AKNA: variants seen among roughly 807,000 people sequenced by gnomAD.
The protein encoded by AKNA is microtubule organization protein AKNA.
Under a neutral mutation model 138.8 loss-of-function variants are expected in AKNA, and 67 were observed. The ratio of observed to expected loss-of-function variants is 0.48; its 90% CI spans 0.40 to 0.59. AKNA has a LOEUF of 0.59. Among genes scored for constraint, AKNA ranks in the 20% least tolerant of loss-of-function variants. AKNA has a pLI of 0.00. For missense variants in AKNA, 1,813 were observed against 1,880.4 expected (o/e 0.96, Z 0.66); for synonymous variants, 737 against 754.4 (o/e 0.98, Z 0.38).
At chr9:114,380,525 A>G (rs1564093521) in intron 2 of AKNA, among the ~76,000 whole-genome samples, 3 of 152,372 alleles carry the variant, frequency 2.0e-5, no homozygotes, top group African/African-American at 4.8e-5. Flanking sequence ...GGAGTGGGAC[A>G]ATGAGTAATT....
chr9:114,340,207 AGCCCTCACAGTGACGCAG>A, intron 21 of AKNA, among the ~76,000 whole-genome samples: 1 of 152,334 alleles, frequency 6.6e-6, no homozygotes. Flanking sequence ...ACCAAGCACC[AGCCCTCACAGTGACGCAG>A]GCCCTCACTG....
intron 1 of AKNA, among the ~76,000 whole-genome samples, chr9:114,386,736 T>G (rs1834059264): frequency 6.6e-6 from 1 of 152,150 alleles, no homozygotes; most frequent in African/African-American, 2.4e-5. Flanking sequence ...CTTCAGTTCC[T>G]GGGTGGGATG....
intron 18 of AKNA, 48 bp downstream of exon 18, chr9:114,345,815 C>T (rs759706674): frequency 2.0e-5 from 32 of 1,584,860 alleles, no homozygotes; most frequent in East Asian, 2.2e-5. Flanking sequence ...GAGGAGCCCC[C>T]GCTGACACCA....
chr9:114,332,848 A>T (rs1829881799), downstream of AKNA, among the ~76,000 whole-genome samples: 1 of 152,150 alleles, frequency 6.6e-6, no homozygotes, highest in South Asian at 2.1e-4. Flanking sequence ...AGTGGTTCTT[A>T]AGGGTCTGAG....
chr9:114,332,470 T>G (rs1829871340), downstream of AKNA, among the ~76,000 whole-genome samples: 1 of 152,176 alleles, frequency 6.6e-6, no homozygotes, highest in Non-Finnish European at 1.5e-5. Flanking sequence ...TGTGCCCTAA[T>G]ACCTGTGAAA....
At chr9:114,333,835 T>C (rs1237297671), downstream of AKNA, among the ~76,000 whole-genome samples, 5 of 150,944 alleles carry the variant, frequency 3.3e-5, no homozygotes, top group East Asian at 5.8e-4. Context: ...AGGTGTGATA[T>C]TGTTTGGCTC....
rs62640860 is a variant in AKNA, at chr9:114,347,808, C to T, written c.3314G>A (p.Arg1105His). The T allele has an allele frequency of 4.5e-4, 701 of 1,551,512 alleles. 1 individual carries two copies. In the African/African-American group the frequency reaches 8.3e-3, roughly 18 times the overall value. The change falls in exon 16 of 22, where the codon CGC becomes CAC. Residue 1105 changes from arginine (R) to histidine (H), a missense_variant. Physicochemically the swap from Arg to His is conservative, Grantham distance 29. Coordinates refer to ENST00000374088, the MANE Select transcript of AKNA (RefSeq NM_001317950.2). ...LHQPLQGSPT[R>H]PASAFDRPAR... Reference sequence around the variant, plus strand: ...GGGGCGGTCAAAGGCAGATGCTGGGCGTGTCGGGCTGCCCTGGAGTGGCTG... The same window carrying T: ...GGGGCGGTCAAAGGCAGATGCTGGGTGTGTCGGGCTGCCCTGGAGTGGCTG...
Position 114,358,595 on chromosome 9 carries a change from A to G in AKNA, c.2493-428T>C, listed in dbSNP as rs552051514. 8.9e-5 allele frequency among the ~76,000 whole-genome samples: 13 copies of G among 145,680 alleles called. No individual in the cohort carries two copies. The East Asian group carries it at 2.4e-3, about 27-fold the overall frequency. ...AAATATAAGAAACCTGAATATTATC[A>G]TATACTAGATAGATCCACTTGCCTG... On this transcript the variant is annotated intron_variant, in intron 11 of 21. Transcript: ENST00000374088.
intron 2 of AKNA, 23 bp downstream of exon 2, chr9:114,381,037 A>G: frequency 6.8e-7 from 1 of 1,480,636 alleles, no homozygotes; most frequent in Non-Finnish European, 9.0e-7. Flanking sequence ...ACACCACTGT[A>G]GGGGGAGGGG....
At chr9:114,394,342 C>T (rs1383008583) in intron 1 of AKNA, 1 of 152,028 alleles carries the variant, frequency 6.6e-6, no homozygotes, top group Non-Finnish European at 1.5e-5. Context: ...ACAAAACAAA[C>T]GAATACCACC....
upstream of AKNA, among the ~76,000 whole-genome samples, chr9:114,388,318 G>A (rs1188868226): frequency 6.6e-6 from 1 of 152,232 alleles, no homozygotes; most frequent in East Asian, 1.9e-4. Context: ...ACAGCATGCT[G>A]TAGCTCCTAC....
At chr9:114,370,234 A>T (rs1475956890) in intron 4 of AKNA, among the ~76,000 whole-genome samples, 1 of 152,126 alleles carries the variant, frequency 6.6e-6, no homozygotes, top group Non-Finnish European at 1.5e-5. Context: ...CCCAGATGAG[A>T]ACAAAGCTGG....
At chr9:114,348,200 T>C (rs7862731) in intron 15 of AKNA, among the ~76,000 whole-genome samples, 9,476 of 152,178 alleles carry the variant, frequency 0.062, 1,031 homozygotes, top group African/African-American at 0.22. Context: ...ATTCTCGAGA[T>C]GGAGACAAGG....
Position 114,364,579 on chromosome 9 carries a change from A to T in AKNA, c.1769T>A (p.Met590Lys). 1 of 1,613,946 alleles carries T rather than the reference A, an allele frequency of 6.2e-7. No homozygotes were observed. Among genetic ancestry groups the T allele is most frequent in the Admixed American group, 1.7e-5 (1 of 60,030 alleles). Residue 590 changes from methionine (M) to lysine (K), a missense_variant, in exon 7 of 22, where the codon ATG becomes AAG. Met to Lys is a moderately conservative substitution (Grantham distance 95). Coordinates refer to ENST00000374088, the MANE Select transcript of AKNA (RefSeq NM_001317950.2). ...FERLIQAGRL[M>K]PQDQVKGFQR... ...CAGTACCTTGACTTGGTCCTGGGGC[A>T]TGAGACGTCCTGCCTGTATCAGTCT...
intron 13 of AKNA, among the ~76,000 whole-genome samples, chr9:114,356,576 G>A (rs1831515968): frequency 6.6e-6 from 1 of 152,098 alleles, no homozygotes. Flanking sequence ...ACCTCACAGT[G>A]CCCTCCCTGT....
At chr9:114,345,715 A>C in intron 18 of AKNA, 148 bp downstream of exon 18, 1 of 634,482 alleles carries the variant, frequency 1.6e-6, no homozygotes. Flanking sequence ...TCATGGAGGC[A>C]ATGCTCCCTG....
intron 4 of AKNA, 80 bp from the exon 5 acceptor site, chr9:114,368,675 G>T: frequency 8.5e-7 from 1 of 1,181,360 alleles, no homozygotes; most frequent in East Asian, 3.0e-5. Context: ...TCATTCAGGA[G>T]CTCAACACAC....
rs142298734 is a variant in AKNA at position 114,361,888 on chromosome 9, C to T, written c.1940G>A (p.Arg647His). The change falls in exon 9 of 22, where the codon CGT becomes CAT. Residue 647 changes from arginine (R) to histidine (H), a missense_variant. Arg to His is a conservative substitution (Grantham distance 29). Transcript: ENST00000374088. ...CAGCTCTTCCAGGCAGCTTCCCAGA[C>T]GGTATATCTCTGCCTCCAGCTCCCT... ...PRRELEAEIY[R>H]LGSCLEELKE... 3.7e-4 allele frequency: 600 copies of T among 1,604,234 alleles called. No homozygotes were observed. Among genetic ancestry groups the T allele is most frequent in the Non-Finnish European group, 4.6e-4 (537 of 1,179,968 alleles).
chr9:114,338,450 G>GA (rs1830134127), intron 21 of AKNA, among the ~76,000 whole-genome samples: 1 of 152,368 alleles, frequency 6.6e-6, no homozygotes, highest in African/African-American at 2.4e-5. Flanking sequence ...AGCCACTGTG[G>GA]AAAACAGTCT....
Sources: allele counts gnomAD v4.1 joint callset (sites outside exome capture counted in the v4.1 genomes callset), GRCh38; gene constraint gnomAD v4.1.1; transcripts MANE v1.5; gene names NCBI Gene and HGNC (gene_info 2026-07-23, HGNC 2026-07-21).